WHAMM: variants seen among roughly 807,000 people sequenced by gnomAD.
The protein encoded by WHAMM is WASP homolog-associated protein with actin, membranes and microtubules.
WHAMM carries 67 observed loss-of-function variants against 76.5 expected under a neutral mutation model. The ratio of observed to expected loss-of-function variants is 0.88; its 90% CI spans 0.72 to 1.07. WHAMM has a LOEUF of 1.07. Ranked by LOEUF, WHAMM falls within the 50% of genes least tolerant of loss-of-function variation. WHAMM has a pLI of 0.00. For synonymous variants in WHAMM, 419 were observed against 422.1 expected (o/e 0.99, Z 0.09); for missense variants, 1,021 against 1,051.1 (o/e 0.97, Z 0.40).
At chr15:82,815,155 A>ATATATATAAT (rs55807384) in intron 2 of WHAMM, among the ~76,000 whole-genome samples, 2,704 of 45,958 alleles carry the variant, frequency 0.059, 340 homozygotes, top group Admixed American at 0.072. Context: ...ATATATATAT[A>ATATATATAAT]GTACAATTCA....
rs1371513335 is a variant in WHAMM at position 82,835,058 on chromosome 15, C to G, written c.*1522C>G. ...ATATTACTCCTGGGTCTCCACAGAA[C>G]AAAAGGAACGCACCTCGTTTACAAA... On this transcript the variant is annotated 3_prime_UTR_variant, in exon 10 of 10. Coordinates refer to ENST00000286760, the MANE Select transcript of WHAMM (RefSeq NM_001080435.3). 6.6e-6 allele frequency: 1 copy of G among 152,092 alleles called. No individual in the cohort carries two copies. Among genetic ancestry groups the G allele is most frequent in the Non-Finnish European group, 1.5e-5 (1 of 68,002 alleles). The allele number at this position is 152,092 out of a possible 1,614,324, so 9.4% of individuals were successfully genotyped here.
Position 82,833,743 on chromosome 15 carries a change from G to A in WHAMM, c.*207G>A. 1.7e-6 allele frequency: 1 copy of A among 579,164 alleles called. No individual in the cohort carries two copies. Among genetic ancestry groups the A allele is most frequent in the Non-Finnish European group, 3.0e-6 (1 of 336,768 alleles). 35.9% of individuals were successfully genotyped at this position (579,164 alleles called of 1,614,324 possible). On this transcript the variant is annotated 3_prime_UTR_variant, in exon 10 of 10. Coordinates refer to ENST00000286760, the MANE Select transcript of WHAMM (RefSeq NM_001080435.3). The stretch of plus-strand genomic sequence containing the variant: ...CTCACTCTGTCGCCCAGGCTGGGGT[G>A]CAGTGGCGCCATCTCGGCTCACCGC...
Position 82,830,782 on chromosome 15 carries a change from T to G in WHAMM, c.1825T>G (p.Cys609Gly). ...AGCTGGTAATGTGAAAAGCCCCAAG[T>G]GTCAAAACTGTCATGGAAATATCCC... ...SEAGNVKSPK[C>G]QNCHGNIPVQ... is the part of the protein sequence containing the mutation. The change falls in exon 9 of 10, where the codon TGT (cysteine) becomes GGT (glycine). Residue 609 changes from cysteine (C) to glycine (G), a missense_variant. Around this residue, in one of 3 missense-constraint regions of WHAMM, gnomAD observed 509 missense variants for 492.3 expected, o/e 1.03. Transcript: ENST00000286760. 1 of 1,613,662 alleles carries G rather than the reference T, an allele frequency of 6.2e-7. No homozygotes were observed. The highest frequency in any genetic ancestry group is 8.5e-7 in the Non-Finnish European group (1 of 1,179,746).
intron 5 of WHAMM, among the ~76,000 whole-genome samples, chr15:82,821,031 CATTT>C (rs1265669772): frequency 7.2e-5 from 11 of 151,738 alleles, no homozygotes; most frequent in African/African-American, 4.8e-5. Context: ...TTCCAATTTT[CATTT>C]ATTTAATTAT....
At chr15:82,831,732 T>G (rs2051035104) in intron 9 of WHAMM, among the ~76,000 whole-genome samples, 1 of 152,218 alleles carries the variant, frequency 6.6e-6, no homozygotes, top group African/African-American at 2.4e-5. Context: ...CTTTAGACAT[T>G]AAGTGTTGAG....
intron 6 of WHAMM, among the ~76,000 whole-genome samples, chr15:82,824,162 C>CTTTTTTTTTTTTTTT (rs71156055): frequency 0.017 from 2,039 of 117,624 alleles, 177 homozygotes; most frequent in African/African-American, 0.025. Context: ...TACTTTTCTC[C>CTTTTTTTTTTTTTTT]TTTTTTTTTT....
At position 82,833,408 on chromosome 15, in the gene WHAMM, C is replaced by T. The variant is rs769862081; in HGVS notation, c.2302C>T (p.Pro768Ser). ...TCTTGGCCCAAACCCCAGCAGCAAACCAACCAGCAACAGACGCACCAGTGA... is the reference window on the plus strand; with the variant it reads ...TCTTGGCCCAAACCCCAGCAGCAAATCAACCAGCAACAGACGCACCAGTGA... ...PDLGPNPSSK[P>S]TSNRRTSDLE... Residue 768 changes from proline (P) to serine (S), a missense_variant, in exon 10 of 10, where the codon CCA (proline) becomes TCA (serine). Physicochemically the swap from Pro to Ser is moderately conservative, Grantham distance 74 (BLOSUM62 -1). Transcript: ENST00000286760. 4 of 1,614,038 alleles carry T rather than the reference C, an allele frequency of 2.5e-6. No homozygotes were observed. The highest frequency in any genetic ancestry group is 2.5e-6 in the Non-Finnish European group (3 of 1,179,908).
At chr15:82,815,111 T>TTATA (rs147147568) in intron 2 of WHAMM, among the ~76,000 whole-genome samples, 1,067 of 49,468 alleles carry the variant, frequency 0.022, 47 homozygotes, top group South Asian at 0.029. Flanking sequence ...CTCACAGATT[T>TTATA]TATATATATA....
Position 82,833,791 on chromosome 15 carries a change from G to A in WHAMM, c.*255G>A, listed in dbSNP as rs1377226688. 2 of 456,422 alleles carry A rather than the reference G, an allele frequency of 4.4e-6. No individual in the cohort carries two copies. Among genetic ancestry groups the A allele is most frequent in the Non-Finnish European group, 7.9e-6 (2 of 252,582 alleles). The allele number at this position is 456,422 out of a possible 1,614,324, so 28.3% of individuals were successfully genotyped here. A position where few individuals can be genotyped will look rare whatever the true frequency, so the allele number is the denominator to read the frequency against. Reference sequence around the variant, plus strand: ...CGCAAGCTCCGCTTCCCAGGCTGGGGTGCAGTGGTGCGATCTTGGCTCACT... The same window carrying A: ...CGCAAGCTCCGCTTCCCAGGCTGGGATGCAGTGGTGCGATCTTGGCTCACT... On this transcript the variant is annotated 3_prime_UTR_variant, in exon 10 of 10. Coordinates refer to ENST00000286760, the MANE Select transcript of WHAMM (RefSeq NM_001080435.3).
rs911939909 is a variant in WHAMM at position 82,810,179 on chromosome 15, C to T, written c.453C>T (p.Arg151=). 12 of 1,404,364 alleles carry T rather than the reference C, an allele frequency of 8.5e-6. No individual in the cohort carries two copies. The African/African-American group carries it at 1.7e-4, about 19-fold the overall frequency. The allele number at this position is 1,404,364 out of a possible 1,614,324, so 87.0% of individuals were successfully genotyped here. A position where few individuals can be genotyped will look rare whatever the true frequency, so the allele number is the denominator to read the frequency against. ...ALQELCGQLE[R]YLGAAADGCG... ...AGGAGCTGTGCGGGCAGCTGGAACGCTATCTGGGCGCGGCGGCCGACGGCT... is the reference window on the plus strand; with the variant it reads ...AGGAGCTGTGCGGGCAGCTGGAACGTTATCTGGGCGCGGCGGCCGACGGCT... The change falls in exon 1 of 10, where the codon CGC becomes CGT. Residue 151 remains arginine (R), a synonymous_variant. Coordinates refer to ENST00000286760, the MANE Select transcript of WHAMM (RefSeq NM_001080435.3).
intron 6 of WHAMM, 90 bp downstream of exon 6, chr15:82,823,377 C>A: frequency 8.7e-7 from 1 of 1,146,408 alleles, no homozygotes; most frequent in Non-Finnish European, 1.1e-6. Flanking sequence ...AAGGTTTTTA[C>A]CAACACAGTG....
In WHAMM at chr15:82,833,400, G is replaced by T; in HGVS notation, c.2294G>T (p.Ser765Ile). The change falls in exon 10 of 10, where the codon AGC (serine) becomes ATC (isoleucine). Residue 765 changes from serine (S) to isoleucine (I), a missense_variant. This residue lies in a region of WHAMM where 509 missense variants were observed against 492.3 expected (regional missense o/e 1.03). Transcript: ENST00000286760. ...CACCCTGATCTTGGCCCAAACCCCAGCAGCAAACCAACCAGCAACAGACGC... is the reference window on the plus strand; with the variant it reads ...CACCCTGATCTTGGCCCAAACCCCATCAGCAAACCAACCAGCAACAGACGC... ...KVHPDLGPNPSSKPTSNRRTS... is the reference protein window; with the variant it reads ...KVHPDLGPNPISKPTSNRRTS... 1 of 1,614,012 alleles carries T rather than the reference G, an allele frequency of 6.2e-7. No homozygotes were observed.
At position 82,810,288 on chromosome 15, in the gene WHAMM, C is replaced by T; in HGVS notation, c.562C>T (p.Arg188Trp). 2 of 1,349,096 alleles carry T rather than the reference C, an allele frequency of 1.5e-6. No individual in the cohort carries two copies. The highest frequency in any genetic ancestry group is 3.8e-5 in the Admixed American group (1 of 26,586). 83.6% of individuals were successfully genotyped at this position (1,349,096 alleles called of 1,614,324 possible). ...DCESPREFRE[R>W]ALRARWVEAD... ...CGAAAGCCCGCGCGAGTTCCGGGAG[C>T]GGGCCTTGCGCGCGCGGTGGGTCGA... Residue 188 changes from arginine (R) to tryptophan (W), a missense_variant, in exon 1 of 10, where the codon CGG (arginine) becomes TGG (tryptophan). By Grantham distance (101) the Arg-to-Trp change is moderately radical (BLOSUM62 -3). Coordinates refer to ENST00000286760, the MANE Select transcript of WHAMM (RefSeq NM_001080435.3).
Position 82,826,787 on chromosome 15 carries a change from AAAG to A in WHAMM, c.1585_1587del (p.Glu529del), listed in dbSNP as rs776821843. 4.5e-6 allele frequency: 7 copies of A among 1,549,404 alleles called. No homozygotes were observed. The highest frequency in any genetic ancestry group is 6.1e-6 in the Non-Finnish European group (7 of 1,147,008). On this transcript the variant is annotated inframe_deletion, in exon 8 of 10. Transcript: ENST00000286760. ...GATAAAAGAAGAGGAGCAAAAGAAAAAAGAATGGATCAACCAAGAACGTCAAAA... is the reference window on the plus strand; with the variant it reads ...GATAAAAGAAGAGGAGCAAAAGAAAAAATGGATCAACCAAGAACGTCAAAA...
rs147147568 is a variant in WHAMM at position 82,815,111 on chromosome 15, TTATATATATA to T, written c.784-1546_784-1537del. Among the ~76,000 whole-genome samples, 232 of 49,620 alleles carry T rather than the reference TTATATATATA, an allele frequency of 4.7e-3. 3 individuals are homozygous for T. The highest frequency in any genetic ancestry group is 0.015 in the Admixed American group (46 of 3,052). The allele number at this position is 49,620 out of a possible 152,430, so 32.6% of individuals were successfully genotyped here. ...TGTTTTAAGATATCACTCACAGATTTTATATATATATATATATATATATATATATATATAT... is the reference window on the plus strand; with the variant it reads ...TGTTTTAAGATATCACTCACAGATTTTATATATATATATATATATATATAT... On this transcript the variant is annotated intron_variant, in intron 2 of 9. Transcript: ENST00000286760.
chr15:82,824,260 C>T (rs2050891958), intron 6 of WHAMM, among the ~76,000 whole-genome samples: 1 of 150,686 alleles, frequency 6.6e-6, no homozygotes, highest in Non-Finnish European at 1.5e-5. Context: ...CAGGTTCAAG[C>T]GAGTCTTCTG....
chr15:82,813,349 T>C, intron 2 of WHAMM, 73 bp downstream of exon 2: 1 of 1,243,956 alleles, frequency 8.0e-7, no homozygotes, highest in Admixed American at 3.3e-5. Context: ...TTACACTTAA[T>C]GTTCAATCTC....
rs369333852 is a variant in WHAMM, at chr15:82,823,126, G to A, written c.1297G>A (p.Asp433Asn). The A allele has an allele frequency of 1.4e-5, 20 of 1,432,002 alleles. No individual in the cohort carries two copies. Among genetic ancestry groups the A allele is most frequent in the East Asian group, 5.3e-5 (2 of 37,648 alleles). 88.7% of individuals were successfully genotyped at this position (1,432,002 alleles called of 1,614,324 possible). A position where few individuals can be genotyped will look rare whatever the true frequency, so the allele number is the denominator to read the frequency against. ...KEKQDEVVYY[D>N]PCENPEELKV... ...AAAACAAGATGAAGTTGTCTATTACGATCCATGTGAAAATCCAGAGGAACT... is the reference window on the plus strand; with the variant it reads ...AAAACAAGATGAAGTTGTCTATTACAATCCATGTGAAAATCCAGAGGAACT... Residue 433 changes from aspartate to asparagine, a missense_variant, in exon 6 of 10, where the codon GAT becomes AAT. Physicochemically the swap from Asp to Asn is conservative, Grantham distance 23. Coordinates refer to ENST00000286760, the MANE Select transcript of WHAMM (RefSeq NM_001080435.3).
chr15:82,831,255 A>G (rs1006177971), intron 9 of WHAMM, among the ~76,000 whole-genome samples, 176 bp downstream of exon 9: 7 of 152,222 alleles, frequency 4.6e-5, no homozygotes, highest in African/African-American at 1.2e-4. Flanking sequence ...AAGTTAGTAT[A>G]GTATAGCCTA....
Sources: gnomAD v4.1 joint callset for allele counts (sites outside exome capture counted in the v4.1 genomes callset) on GRCh38, gnomAD v4.1.1 for gene constraint, gnomAD v4.1.1 regional missense constraint, MANE v1.5 for transcripts, NCBI Gene and HGNC (gene_info 2026-07-23, HGNC 2026-07-21) for gene names.